Variants in EXOC3L2 observed in about 807,000 individuals in gnomAD.
EXOC3L2 encodes the protein exocyst complex component 3-like protein 2.
In EXOC3L2, 17 loss-of-function variants were observed where a neutral mutation model predicts 44.4. The observed-to-expected ratio is 0.38, with a 90% CI of 0.26 to 0.57. The LOEUF (loss-of-function observed/expected upper bound fraction) is 0.57. Ranked by LOEUF, EXOC3L2 falls within the 20% of genes least tolerant of loss-of-function variation. The pLI, the probability that EXOC3L2 is intolerant of heterozygous loss-of-function variation, is 0.65. For synonymous variants in EXOC3L2, 256 were observed against 253.7 expected (o/e 1.01, Z -0.09); for missense variants, 541 against 588.4 (o/e 0.92, Z 0.83).
chr19:45,215,047 G>A (rs1440815458), intron 11 of EXOC3L2, among the ~76,000 whole-genome samples: 1 of 151,970 alleles, frequency 6.6e-6, no homozygotes, highest in Non-Finnish European at 1.5e-5. Flanking sequence ...TTGGGAGGCT[G>A]AGGCACAATA....
chr19:45,225,856 C>T (rs1969954394), intron 7 of EXOC3L2, among the ~76,000 whole-genome samples: 1 of 152,116 alleles, frequency 6.6e-6, no homozygotes. Flanking sequence ...CTCCTGGCCT[C>T]AAGAGATCTG....
chr19:45,234,253 C>A lies in EXOC3L2; in HGVS notation c.1097G>T (p.Arg366Leu). Residue 366 changes from arginine (R) to leucine (L), a missense_variant, in exon 3 of 12, where the codon CGC becomes CTC. Physicochemically the swap from Arg to Leu is moderately radical, Grantham distance 102. Coordinates refer to ENST00000413988, the MANE Select transcript of EXOC3L2 (RefSeq NM_001382422.1). This position sits in a 1 kb window ranked among gnomAD's most constrained non-coding sequence, Gnocchi z 5.0. ...LAEWLGASAR[R>L]RLPLADRYAL... is the part of the protein sequence containing the mutation. ...GTAGCGGTCGGCCAGCGGCAGCCTG[C>A]GACGGGCGGAGGCCCCCAGCCACTC... The A allele has an allele frequency of 2.5e-6, 1 of 396,080 alleles. No individual in the cohort carries two copies. The allele number at this position is 396,080 out of a possible 1,614,324, so 24.5% of individuals were successfully genotyped here. A position where few individuals can be genotyped will look rare whatever the true frequency, so the allele number is the denominator to read the frequency against.
intron 8 of EXOC3L2, among the ~76,000 whole-genome samples, chr19:45,219,393 C>CCA (rs1969873131): frequency 1.9e-5 from 1 of 51,546 alleles, no homozygotes; most frequent in African/African-American, 7.2e-5. Context: ...GGCCCCGTCT[C>CCA]AAAAAAAAAA....
At chr19:45,227,858 G>A (rs1255448567) in intron 6 of EXOC3L2, 86 bp from the exon 7 acceptor site, 9 of 1,512,922 alleles carry the variant, frequency 5.9e-6, no homozygotes, top group Middle Eastern at 2.1e-4. Flanking sequence ...CCATCCCTGC[G>A]GTGGCACTCT....
rs887895883 is a variant in EXOC3L2, at chr19:45,212,869, G to A, written c.*200C>T. 3.1e-5 allele frequency: 17 copies of A among 553,574 alleles called. No homozygotes were observed. The highest frequency in any genetic ancestry group is 4.1e-5 in the Non-Finnish European group (14 of 341,868). 34.3% of individuals were successfully genotyped at this position (553,574 alleles called of 1,614,324 possible). ...CCGGCCTCAGCCTCCCAAAGTGTTG[G>A]GATTACAGGCATGAGCCACCGTGCC... On this transcript the variant is annotated 3_prime_UTR_variant, in exon 12 of 12. Coordinates refer to ENST00000413988, the MANE Select transcript of EXOC3L2 (RefSeq NM_001382422.1).
intron 8 of EXOC3L2, among the ~76,000 whole-genome samples, chr19:45,219,133 A>T (rs1289652602): frequency 6.6e-6 from 1 of 151,910 alleles, no homozygotes; most frequent in Non-Finnish European, 1.5e-5. Context: ...GAATTGCTTG[A>T]ACCTAGGAGG....
At chr19:45,217,399 C>T in intron 10 of EXOC3L2, 129 bp downstream of exon 10, 2 of 1,204,378 alleles carry the variant, frequency 1.7e-6, no homozygotes, top group South Asian at 1.8e-5. Context: ...TTGCTATTGA[C>T]CCGAAGTTGG....
chr19:45,219,623 T>C (rs937751082), intron 8 of EXOC3L2, among the ~76,000 whole-genome samples: 3 of 152,074 alleles, frequency 2.0e-5, no homozygotes, highest in Non-Finnish European at 4.4e-5. Context: ...CTCTCCACCC[T>C]TGAGTAGATC....
Position 45,216,066 on chromosome 19 carries a change from G to GTC in EXOC3L2, c.2120+5_2120+6dup. 1 of 1,613,676 alleles carries GTC rather than the reference G, an allele frequency of 6.2e-7. No individual in the cohort carries two copies. Among genetic ancestry groups the GTC allele is most frequent in the Non-Finnish European group, 8.5e-7 (1 of 1,179,848 alleles). ...CGGCGAGCCCTGGCCCAGGCGGGGT[G>GTC]TCTCACCTGATGTCTGGGTAGTCGC... On this transcript the variant is annotated splice_region_variant and intron_variant, in intron 11 of 11. Transcript: ENST00000413988.
At chr19:45,230,629 G>A (rs1372936130) in intron 4 of EXOC3L2, among the ~76,000 whole-genome samples, 1 of 152,102 alleles carries the variant, frequency 6.6e-6, no homozygotes, top group Non-Finnish European at 1.5e-5. Context: ...GATTACAGGT[G>A]TGAGCCACCG....
intron 11 of EXOC3L2, 132 bp downstream of exon 11, chr19:45,215,941 A>T (rs1909980006): frequency 1.5e-6 from 2 of 1,308,746 alleles, no homozygotes; most frequent in South Asian, 1.4e-5. Context: ...CCCTGGTTCC[A>T]GCAGGAAACG....
intron 11 of EXOC3L2, 63 bp from the exon 12 acceptor site, chr19:45,213,420 G>C (rs346740): frequency 0.82 from 1,291,949 of 1,580,714 alleles, 529,955 homozygotes; most frequent in African/African-American, 0.85. Flanking sequence ...ACCCAACCCA[G>C]CCGTGGACCC....
At chr19:45,235,112 C>T (rs781134442) in intron 2 of EXOC3L2, among the ~76,000 whole-genome samples, 26 of 152,014 alleles carry the variant, frequency 1.7e-4, no homozygotes, top group Non-Finnish European at 2.5e-4. Flanking sequence ...ACCAGCCTGG[C>T]CAACATGGCA....
intron 2 of EXOC3L2, among the ~76,000 whole-genome samples, chr19:45,237,201 A>C (rs568313132): frequency 6.6e-6 from 1 of 152,128 alleles, no homozygotes; most frequent in South Asian, 2.1e-4. Context: ...AGACAATGAC[A>C]TTAAAGATGG....
intron 10 of EXOC3L2, 90 bp from the exon 11 acceptor site, chr19:45,216,284 A>C: frequency 6.7e-7 from 1 of 1,495,168 alleles, no homozygotes; most frequent in African/African-American, 1.4e-5. Flanking sequence ...CATCTCTAAA[A>C]TGTAGCAGAA....
In EXOC3L2 at chr19:45,213,460, T is replaced by TA. The variant is rs1301904835; in HGVS notation, c.2121-104_2121-103insT. ...TGACCCCCTCACCTATCCCAGAAAT[T>TA]GCCTGAGTTCTGGGGCCTCTGTGTC... On this transcript the variant is annotated intron_variant, in intron 11 of 11. Coordinates refer to ENST00000413988, the MANE Select transcript of EXOC3L2 (RefSeq NM_001382422.1). 3 of 1,447,020 alleles carry TA rather than the reference T, an allele frequency of 2.1e-6. No individual in the cohort carries two copies. In the African/African-American group the frequency reaches 4.3e-5, roughly 21 times the overall value. The allele number at this position is 1,447,020 out of a possible 1,614,324, so 89.6% of individuals were successfully genotyped here. A position where few individuals can be genotyped will look rare whatever the true frequency, so the allele number is the denominator to read the frequency against.
At position 45,238,871 on chromosome 19, in the gene EXOC3L2, C is replaced by G. The variant is rs571583241; in HGVS notation, c.175G>C (p.Glu59Gln). 2.5e-6 allele frequency: 1 copy of G among 399,194 alleles called. No individual in the cohort carries two copies. Among genetic ancestry groups the G allele is most frequent in the East Asian group, 3.6e-5 (1 of 28,078 alleles). 24.7% of individuals were successfully genotyped at this position (399,194 alleles called of 1,614,324 possible). ...GTSCRRRATL[E>Q]KLAGLAPFRL... is the part of the protein sequence containing the mutation. ...AAGGGGGCCAGGCCCGCAAGCTTCT[C>G]CAGGGTGGCGCGGCGGCGACAAGAT... Residue 59 changes from glutamate (E) to glutamine (Q), a missense_variant, in exon 2 of 12, where the codon GAG (glutamate) becomes CAG (glutamine). Physicochemically the swap from Glu to Gln is conservative, Grantham distance 29. Transcript: ENST00000413988. The surrounding 1 kb of genome is among the most constrained non-coding windows in gnomAD (Gnocchi z 5.5).
intron 11 of EXOC3L2, among the ~76,000 whole-genome samples, chr19:45,215,786 G>C (rs866894197): frequency 6.6e-6 from 1 of 152,252 alleles, no homozygotes; most frequent in Admixed American, 6.5e-5. Context: ...GCTCCCCTGC[G>C]GGCTGGCCCT....
Position 45,238,289 on chromosome 19 carries a change from A to G in EXOC3L2, c.523+234T>C, listed in dbSNP as rs1344377416. ...GAGGAGGCAAAGATTGAGGGTGGGC[A>G]TATATTAACAGGTGGCACTGAAGAG... On this transcript the variant is annotated intron_variant, in intron 2 of 11. Coordinates refer to ENST00000413988, the MANE Select transcript of EXOC3L2 (RefSeq NM_001382422.1). This position sits in a 1 kb window ranked among gnomAD's most constrained non-coding sequence, Gnocchi z 5.5. Among the ~76,000 whole-genome samples the G allele has an allele frequency of 6.6e-6, 1 of 152,160 alleles. No homozygotes were observed. Among genetic ancestry groups the G allele is most frequent in the African/African-American group, 2.4e-5 (1 of 41,442 alleles).
Sources: allele counts gnomAD v4.1 joint callset (sites outside exome capture counted in the v4.1 genomes callset), GRCh38; gene constraint gnomAD v4.1.1; non-coding constraint Gnocchi (gnomAD v3.1); transcripts MANE v1.5; gene names NCBI Gene and HGNC (gene_info 2026-07-23, HGNC 2026-07-21).